The following TAF4B variants were observed in gnomAD, a reference collection of about 807,000 sequenced individuals.
The protein encoded by TAF4B is transcription initiation factor TFIID subunit 4B.
In TAF4B, 38 loss-of-function variants were observed where a neutral mutation model predicts 86.4. That is an observed-to-expected ratio of 0.44 (90% CI 0.34 to 0.58). The LOEUF (loss-of-function observed/expected upper bound fraction) is 0.58. Ranked by LOEUF, TAF4B falls within the 20% of genes least tolerant of loss-of-function variation. The pLI is 0.02. For missense variants in TAF4B, 988 were observed against 1,027.6 expected (o/e 0.96, Z 0.53); for synonymous variants, 388 against 391.2 (o/e 0.99, Z 0.10).
At chr18:26,246,592 G>C (rs1309131217) in intron 1 of TAF4B, among the ~76,000 whole-genome samples, 1 of 151,650 alleles carries the variant, frequency 6.6e-6, no homozygotes, top group African/African-American at 2.4e-5. Context: ...GGAGTGCAGT[G>C]GCGCGATCTC....
chr18:26,262,941 CT>C (rs902626012), intron 1 of TAF4B, among the ~76,000 whole-genome samples: 43 of 146,778 alleles, frequency 2.9e-4, no homozygotes, highest in Middle Eastern at 3.4e-3. Flanking sequence ...ACACAAAAGA[CT>C]TTTTTTTTTT....
At chr18:26,360,954 T>C (rs139845495) in intron 14 of TAF4B, among the ~76,000 whole-genome samples, 1 of 152,136 alleles carries the variant, frequency 6.6e-6, no homozygotes, top group Non-Finnish European at 1.5e-5. Context: ...ATTTTTTTAG[T>C]TTAATACAAA....
At position 26,286,313 on chromosome 18, in the gene TAF4B, A is replaced by C. The variant is rs779172734; in HGVS notation, c.1404A>C (p.Ala468=). Residue 468 remains alanine, a synonymous_variant, in exon 7 of 15, where the codon GCA becomes GCC. Transcript: ENST00000269142. The part of the protein sequence containing the change: ...SGTAVTLSLP[A]VTFGETSGAA... ...CAGCAGTAACACTGTCCCTTCCAGC[A>C]GTAACTTTTGGAGAAACTTCAGGTG... The C allele has an allele frequency of 1.9e-5, 31 of 1,614,132 alleles. No homozygotes were observed. The South Asian group carries it at 3.4e-4, about 18-fold the overall frequency.
chr18:26,324,046 C>T (rs1459096817), intron 11 of TAF4B, among the ~76,000 whole-genome samples: 4 of 152,012 alleles, frequency 2.6e-5, no homozygotes, highest in South Asian at 2.1e-4. Flanking sequence ...CTTCTCATTT[C>T]GTTTTGGATA....
chr18:26,259,916 C>G (rs920327743), intron 1 of TAF4B, among the ~76,000 whole-genome samples: 7 of 152,196 alleles, frequency 4.6e-5, no homozygotes, highest in African/African-American at 1.7e-4. Context: ...TAAAAGTGTG[C>G]CTATTTCTCC....
intron 7 of TAF4B, among the ~76,000 whole-genome samples, chr18:26,286,993 A>C (rs2056532091): frequency 6.6e-6 from 1 of 152,100 alleles, no homozygotes; most frequent in African/African-American, 2.4e-5. Context: ...CCAGCAGCAA[A>C]CACACACGTA....
intron 1 of TAF4B, among the ~76,000 whole-genome samples, chr18:26,233,739 A>G (rs1358010849): frequency 6.6e-6 from 1 of 152,194 alleles, no homozygotes; most frequent in East Asian, 1.9e-4. Context: ...TTGCAGGGGA[A>G]GGCTTCTATC....
intron 9 of TAF4B, among the ~76,000 whole-genome samples, chr18:26,304,211 T>C (rs2056771635): frequency 6.6e-6 from 1 of 151,756 alleles, no homozygotes; most frequent in Non-Finnish European, 1.5e-5. Context: ...TCCATTGTTT[T>C]TGGGTGTTCA....
intron 13 of TAF4B, among the ~76,000 whole-genome samples, chr18:26,344,934 ACT>A (rs901140726): frequency 1.3e-5 from 2 of 152,120 alleles, no homozygotes; most frequent in Non-Finnish European, 2.9e-5. Context: ...GTCAAGAGAG[ACT>A]TCCCATTGCA....
At chr18:26,309,884 A>G (rs2056836325) in intron 9 of TAF4B, among the ~76,000 whole-genome samples, 1 of 152,086 alleles carries the variant, frequency 6.6e-6, no homozygotes, top group Admixed American at 6.6e-5. Flanking sequence ...GCTGGAGTGC[A>G]GTGGCGCGAT....
At chr18:26,346,124 A>G (rs1371206559) in intron 13 of TAF4B, among the ~76,000 whole-genome samples, 6 of 152,140 alleles carry the variant, frequency 3.9e-5, no homozygotes, top group Non-Finnish European at 8.8e-5. Context: ...ATGTGCCACC[A>G]TGCCCAGCTA....
intron 1 of TAF4B, among the ~76,000 whole-genome samples, chr18:26,246,556 T>A (rs988796688): frequency 6.6e-5 from 10 of 151,402 alleles, no homozygotes; most frequent in African/African-American, 2.4e-4. Context: ...TTTTTCTGGA[T>A]GGAGTCTCAC....
At chr18:26,243,695 T>C (rs2055877984) in intron 1 of TAF4B, among the ~76,000 whole-genome samples, 1 of 152,226 alleles carries the variant, frequency 6.6e-6, no homozygotes, top group South Asian at 2.1e-4. Flanking sequence ...TTTTCTGCTC[T>C]GGTTTCTTTC....
At chr18:26,337,154 A>G (rs1405059968) in intron 13 of TAF4B, among the ~76,000 whole-genome samples, 1 of 152,158 alleles carries the variant, frequency 6.6e-6, no homozygotes, top group Non-Finnish European at 1.5e-5. Flanking sequence ...ATATTTTGAA[A>G]GTTTTCTGGT....
chr18:26,317,256 C>G (rs989146476), intron 10 of TAF4B, among the ~76,000 whole-genome samples: 3 of 152,174 alleles, frequency 2.0e-5, no homozygotes, highest in Admixed American at 6.5e-5. Flanking sequence ...GTCTTGAACT[C>G]CTGACGTCAA....
chr18:26,285,093 C>T (rs1036788257), intron 6 of TAF4B, among the ~76,000 whole-genome samples: 3 of 151,266 alleles, frequency 2.0e-5, no homozygotes, highest in Middle Eastern at 3.5e-3. Context: ...TCAGCCCCTG[C>T]GGTAGCTGGG....
chr18:26,267,580 G>A lies in TAF4B; in HGVS notation c.554G>A (p.Gly185Glu), dbSNP rs746323171. 3.7e-6 allele frequency: 6 copies of A among 1,613,996 alleles called. No homozygotes were observed. The Admixed American group carries it at 5.0e-5, about 13-fold the overall frequency. Residue 185 changes from glycine to glutamate, a missense_variant, in exon 3 of 15, where the codon GGA becomes GAA. By Grantham distance (98) the Gly-to-Glu change is moderately conservative (BLOSUM62 -2). This residue lies in a region of TAF4B where 747 missense variants were observed against 737.9 expected (regional missense o/e 1.01). Transcript: ENST00000269142. ...VTPVKKLAQI[G>E]TTVVTTVPKP... The stretch of plus-strand genomic sequence containing the variant: ...CCTGTTAAAAAATTGGCACAAATAG[G>A]AACTACTGTGGTAACCACTGTTCCG...
At chr18:26,257,128 G>T (rs1472112716) in intron 1 of TAF4B, among the ~76,000 whole-genome samples, 2 of 152,082 alleles carry the variant, frequency 1.3e-5, no homozygotes, top group Non-Finnish European at 2.9e-5. Flanking sequence ...TTTTTCAAGT[G>T]GTTGATTTCC....
chr18:26,313,000 C>A (rs1188310108), intron 9 of TAF4B, among the ~76,000 whole-genome samples: 1 of 152,150 alleles, frequency 6.6e-6, no homozygotes, highest in African/African-American at 2.4e-5. Flanking sequence ...TTCTTCCTAT[C>A]CCTGGTTTTG....
Sources: gnomAD v4.1 joint callset for allele counts (sites outside exome capture counted in the v4.1 genomes callset) on GRCh38, gnomAD v4.1.1 for gene constraint, gnomAD v4.1.1 regional missense constraint, MANE v1.5 for transcripts, NCBI Gene and HGNC (gene_info 2026-07-23, HGNC 2026-07-21) for gene names.